Variants in NUDT12 observed in about 807,000 individuals in gnomAD.
NUDT12 encodes the protein NAD-capped RNA hydrolase NUDT12.
NUDT12 carries 42 observed loss-of-function variants against 45.7 expected under a neutral mutation model. That is an observed-to-expected ratio of 0.92 (90% CI 0.72 to 1.19). The LOEUF is 1.19. Among genes scored for constraint, NUDT12 ranks in the 50% most tolerant of loss-of-function variants. The pLI is 0.00. For synonymous variants in NUDT12, 206 were observed against 179.7 expected (o/e 1.15, Z -1.17); for missense variants, 590 against 533.1 (o/e 1.11, Z -1.05).
intron 4 of NUDT12, among the ~76,000 whole-genome samples, chr5:103,555,323 C>T (rs1221396770): frequency 6.6e-6 from 1 of 152,038 alleles, no homozygotes; most frequent in Non-Finnish European, 1.5e-5. Context: ...GTTCATCTCT[C>T]TAGAAGTTAC....
Position 103,558,914 on chromosome 5 carries a change from A to G in NUDT12, c.761T>C (p.Met254Thr), listed in dbSNP as rs776937188. Reference protein sequence around the residue: ...HENCYFLHPPMPALLQLKEKE... With the variant: ...HENCYFLHPPTPALLQLKEKE... ...TTCTTTCAATTGCAGAAGGGCTGGC[A>G]TAGGAGGATGAAGAAAGTAACAATT... Residue 254 changes from methionine to threonine, a missense_variant, in exon 3 of 7, where the codon ATG becomes ACG. Met to Thr is a moderately conservative substitution (Grantham distance 81). Transcript: ENST00000230792. 3.1e-6 allele frequency: 5 copies of G among 1,606,040 alleles called. No homozygotes were observed. Among genetic ancestry groups the G allele is most frequent in the South Asian group, 2.2e-5 (2 of 89,154 alleles).
chr5:103,556,201 A>AGG, intron 3 of NUDT12, 103 bp from the exon 4 acceptor site: 1 of 708,458 alleles, frequency 1.4e-6, no homozygotes, highest in Middle Eastern at 3.1e-4. Context: ...CTGTGTGATC[A>AGG]GGGGTTTTAG....
chr5:103,552,237 G>A lies in NUDT12; in HGVS notation c.1258C>T (p.Arg420Cys), dbSNP rs373323160. 148 of 1,613,078 alleles carry A rather than the reference G, an allele frequency of 9.2e-5. 1 individual carries two copies. The highest frequency in any genetic ancestry group is 1.1e-4 in the Non-Finnish European group (130 of 1,179,300). ...KVDKNEIEDA[R>C]WFTREQVLDV... The stretch of plus-strand genomic sequence containing the variant: ...TTTACCTGTTCTCTAGTGAACCAGC[G>A]GGCATCCTCTATTTCATTCTTGTCA... Residue 420 changes from arginine (R) to cysteine (C), a missense_variant, in exon 6 of 7, where the codon CGC becomes TGC. By Grantham distance (180) the Arg-to-Cys change is radical (BLOSUM62 -3). Coordinates refer to ENST00000230792, the MANE Select transcript of NUDT12 (RefSeq NM_031438.4).
rs2112455551 is a variant in NUDT12, at chr5:103,558,989, G to A, written c.686C>T (p.Ala229Val). Residue 229 changes from alanine (A) to valine (V), a missense_variant, in exon 3 of 7, where the codon GCT becomes GTT. Physicochemically the swap from Ala to Val is moderately conservative, Grantham distance 64. Transcript: ENST00000230792. ...EEEDGLVAWF[A>V]LGIDPIAAEE... ...AGCAGCAATAGGATCTATACCTAGA[G>A]CAAACCAGGCAACCAATCCATCTTC... 1 of 1,613,750 alleles carries A rather than the reference G, an allele frequency of 6.2e-7. No homozygotes were observed. The highest frequency in any genetic ancestry group is 8.5e-7 in the Non-Finnish European group (1 of 1,179,712).
rs1227791457 is a variant in NUDT12 at position 103,559,101 on chromosome 5, C to T, written c.574G>A (p.Glu192Lys). The change falls in exon 3 of 7, where the codon GAG becomes AAG. Residue 192 changes from glutamate (E) to lysine (K), a missense_variant. Coordinates refer to ENST00000230792, the MANE Select transcript of NUDT12 (RefSeq NM_031438.4). ...TDIKDYLAQP[E>K]KITLIFLGVE... ...CCAAGAAAAATCAAGGTGATCTTCT[C>T]AGGCTGGGCCAAATAATCCTTTATA... The T allele has an allele frequency of 6.2e-7, 1 of 1,610,794 alleles. No individual in the cohort carries two copies. The highest frequency in any genetic ancestry group is 8.5e-7 in the Non-Finnish European group (1 of 1,178,542).
In NUDT12 at chr5:103,559,480, A is replaced by C. The variant is rs1748961847; in HGVS notation, c.207-12T>G. 7.3e-7 allele frequency: 1 copy of C among 1,369,186 alleles called. No individual in the cohort carries two copies. Among genetic ancestry groups the C allele is most frequent in the Admixed American group, 2.8e-5 (1 of 35,448 alleles). 84.8% of individuals were successfully genotyped at this position (1,369,186 alleles called of 1,614,324 possible). A position where few individuals can be genotyped will look rare whatever the true frequency, so the allele number is the denominator to read the frequency against. On this transcript the variant is annotated splice_polypyrimidine_tract_variant and intron_variant, in intron 2 of 6. Transcript: ENST00000230792. ...TTGATCTGTCACACCTATAGATGGA[A>C]GAAAAAATTGGGGAGAAAAAGTAAA... is the stretch of plus-strand genomic sequence containing the variant.
chr5:103,557,280 G>GGGGTATATATATATATAT (rs1491335747), intron 3 of NUDT12, among the ~76,000 whole-genome samples: 1 of 118,894 alleles, frequency 8.4e-6, no homozygotes, highest in East Asian at 2.6e-4. Flanking sequence ...ATCTTAAAAT[G>GGGGTATATATATATATAT]ATATATATAT....
Position 103,550,201 on chromosome 5 carries a change from T to C in NUDT12, c.*660A>G, listed in dbSNP as rs1748608086. 1 of 152,140 alleles carries C rather than the reference T, an allele frequency of 6.6e-6. No individual in the cohort carries two copies. 9.4% of individuals were successfully genotyped at this position (152,140 alleles called of 1,614,324 possible). On this transcript the variant is annotated 3_prime_UTR_variant, in exon 7 of 7. Coordinates refer to ENST00000230792, the MANE Select transcript of NUDT12 (RefSeq NM_031438.4). ...GGTCCCAGATATAATAGTATGCTTT[T>C]CTCCTTCCATGAGGGTGTGGTATTG...
intron 3 of NUDT12, among the ~76,000 whole-genome samples, chr5:103,557,056 C>T (rs1748845033): frequency 6.6e-6 from 1 of 151,516 alleles, no homozygotes; most frequent in Non-Finnish European, 1.5e-5. Flanking sequence ...TTACAATGTG[C>T]CAAGCACCAT....
Position 103,556,158 on chromosome 5 carries a change from A to T in NUDT12, c.797-60T>A, listed in dbSNP as rs899573227. On this transcript the variant is annotated intron_variant, in intron 3 of 6. Coordinates refer to ENST00000230792, the MANE Select transcript of NUDT12 (RefSeq NM_031438.4). ...CTGTAAGAAATTAAAATCAATATAT[A>T]AGTAAAATGTTCTCAAGCTACAATA... 4.9e-6 allele frequency: 6 copies of T among 1,234,072 alleles called. No individual in the cohort carries two copies. In the Admixed American group the frequency reaches 1.1e-4, roughly 23 times the overall value. The allele number at this position is 1,234,072 out of a possible 1,614,324, so 76.4% of individuals were successfully genotyped here. A position where few individuals can be genotyped will look rare whatever the true frequency, so the allele number is the denominator to read the frequency against.
chr5:103,560,367 T>C (rs2112458516), intron 1 of NUDT12, 113 bp from the exon 2 acceptor site: 2 of 661,228 alleles, frequency 3.0e-6, no homozygotes, highest in East Asian at 5.4e-5. Context: ...GGCAACATAC[T>C]ATTCAACAGG....
Position 103,550,833 on chromosome 5 carries a change from A to G in NUDT12, c.*28T>C, listed in dbSNP as rs1427387826. On this transcript the variant is annotated 3_prime_UTR_variant, in exon 7 of 7. Coordinates refer to ENST00000230792, the MANE Select transcript of NUDT12 (RefSeq NM_031438.4). Reference sequence around the variant, plus strand: ...GAATGAGTGTTATTAGAAATTATTAAATAATACTCAAAGCTTAGTTCTTAG... The same window carrying G: ...GAATGAGTGTTATTAGAAATTATTAGATAATACTCAAAGCTTAGTTCTTAG... 1.4e-6 allele frequency: 2 copies of G among 1,459,314 alleles called. No individual in the cohort carries two copies. Among genetic ancestry groups the G allele is most frequent in the Admixed American group, 3.4e-5 (2 of 59,562 alleles). The allele number at this position is 1,459,314 out of a possible 1,614,324, so 90.4% of individuals were successfully genotyped here.
At chr5:103,553,173 T>C (rs294043) in intron 5 of NUDT12, among the ~76,000 whole-genome samples, 3 of 151,960 alleles carry the variant, frequency 2.0e-5, no homozygotes, top group Non-Finnish European at 4.4e-5. Context: ...AATTAACTTA[T>C]AATAATCAAA....
rs1056284557 is a variant in NUDT12, at chr5:103,550,053, G to A, written c.*808C>T. The A allele has an allele frequency of 6.6e-6, 1 of 152,080 alleles. No individual in the cohort carries two copies. The highest frequency in any genetic ancestry group is 1.5e-5 in the Non-Finnish European group (1 of 68,012). 9.4% of individuals were successfully genotyped at this position (152,080 alleles called of 1,614,324 possible). A position where few individuals can be genotyped will look rare whatever the true frequency, so the allele number is the denominator to read the frequency against. On this transcript the variant is annotated 3_prime_UTR_variant, in exon 7 of 7. Transcript: ENST00000230792. ...GACTTATTTAATATCCGACCTTTGA[G>A]GAGAATTCCTTTCAAGTTTAATTTC...
chr5:103,551,127 T>C (rs1233741341), intron 6 of NUDT12, among the ~76,000 whole-genome samples, 156 bp from the exon 7 acceptor site: 1 of 152,156 alleles, frequency 6.6e-6, no homozygotes, highest in Non-Finnish European at 1.5e-5. Context: ...CAAAGTTTTT[T>C]TTTTTTTGGA....
intron 3 of NUDT12, among the ~76,000 whole-genome samples, chr5:103,557,703 C>T (rs1020569875): frequency 3.9e-5 from 6 of 152,038 alleles, no homozygotes; most frequent in Middle Eastern, 3.4e-3. Flanking sequence ...TCCCTGAGGC[C>T]TCTTGCTCTC....
At chr5:103,552,554 G>A (rs1200989269) in intron 5 of NUDT12, 138 bp from the exon 6 acceptor site, 1 of 612,788 alleles carries the variant, frequency 1.6e-6, no homozygotes, top group Non-Finnish European at 2.8e-6. Context: ...CCTAAAACTA[G>A]ACTGTAATTG....
chr5:103,552,282 C>A lies in NUDT12; in HGVS notation c.1213G>T (p.Val405Leu), dbSNP rs753434866. 1.5e-5 allele frequency: 24 copies of A among 1,613,798 alleles called. 1 individual carries two copies. The Middle Eastern group carries it at 8.2e-4, about 55-fold the overall frequency. Residue 405 changes from valine to leucine, a missense_variant, in exon 6 of 7, where the codon GTG becomes TTG. Transcript: ENST00000230792. ...TTGTCAACTTTAATTTCTGTAGACA[C>A]TGCTAGAGCTAAGCAACCAATCATT... ...SLMIGCLALAVSTEIKVDKNE... is the reference protein window; with the variant it reads ...SLMIGCLALALSTEIKVDKNE...
Position 103,559,112 on chromosome 5 carries a change from A to G in NUDT12, c.563T>C (p.Leu188Ser), listed in dbSNP as rs770334897. ...CAAGGTGATCTTCTCAGGCTGGGCC[A>G]AATAATCCTTTATATCTGTGTAGTT... is the stretch of plus-strand genomic sequence containing the variant. ...QLNYTDIKDY[L>S]AQPEKITLIF... is the part of the protein sequence containing the mutation. Residue 188 changes from leucine (L) to serine (S), a missense_variant, in exon 3 of 7, where the codon TTG becomes TCG. By Grantham distance (145) the Leu-to-Ser change is moderately radical (BLOSUM62 -2). Coordinates refer to ENST00000230792, the MANE Select transcript of NUDT12 (RefSeq NM_031438.4). The G allele has an allele frequency of 1.9e-6, 3 of 1,608,500 alleles. No homozygotes were observed. The East Asian group carries it at 6.7e-5, about 36-fold the overall frequency.
Sources: allele counts gnomAD v4.1 joint callset (sites outside exome capture counted in the v4.1 genomes callset), GRCh38; gene constraint gnomAD v4.1.1; transcripts MANE v1.5; gene names NCBI Gene and HGNC (gene_info 2026-07-23, HGNC 2026-07-21).